Variants in AGMO observed in about 807,000 individuals in gnomAD.
The protein encoded by AGMO is alkylglycerol monooxygenase.
AGMO carries 75 observed loss-of-function variants against 60.2 expected under a neutral mutation model. The ratio of observed to expected loss-of-function variants is 1.25; its 90% CI spans 1.03 to 1.51. AGMO has a LOEUF of 1.51. Among genes scored for constraint, AGMO ranks in the 40% most tolerant of loss-of-function variants. The pLI is 0.00. For missense variants in AGMO, 763 were observed against 525.5 expected, an observed-to-expected ratio of 1.45 and a Z score of -4.42; for synonymous variants, 261 against 177.1, an observed-to-expected ratio of 1.47 and a Z score of -3.76.
chr7:15,525,254 G>A (rs1176841049), intron 3 of AGMO, among the ~76,000 whole-genome samples: 3 of 152,070 alleles, frequency 2.0e-5, no homozygotes, highest in Non-Finnish European at 4.4e-5. Context: ...GGTGAAACCC[G>A]ACTTTCAAAC....
chr7:15,530,816 T>G lies in AGMO; in HGVS notation c.409+13956A>C, dbSNP rs184911612. Among the ~76,000 whole-genome samples, 199 of 102,742 alleles carry G rather than the reference T, an allele frequency of 1.9e-3. 8 individuals carry two copies. The highest frequency in any genetic ancestry group is 6.2e-3 in the South Asian group (22 of 3,530). 67.4% of individuals were successfully genotyped at this position (102,742 alleles called of 152,430 possible). On this transcript the variant is annotated intron_variant, in intron 3 of 12. Transcript: ENST00000342526. Reference sequence around the variant, plus strand: ...TACATTTCTCTATATATTCTATATATACATTTCTATATATATTCTATATAT... The same window carrying G: ...TACATTTCTCTATATATTCTATATAGACATTTCTATATATATTCTATATAT...
At position 15,366,202 on chromosome 7, in the gene AGMO, G is replaced by A. The variant is rs1460755158; in HGVS notation, c.1095C>T (p.Leu365=). 5.6e-6 allele frequency: 9 copies of A among 1,607,156 alleles called. No homozygotes were observed. In the East Asian group the frequency reaches 1.6e-4, roughly 28 times the overall value. Residue 365 remains leucine, a synonymous_variant, in exon 11 of 13, where the codon CTC becomes CTT. Transcript: ENST00000342526. ...ADTAALSQVT[L]LLRVCFIILT... is the part of the protein sequence containing the mutation. ...GGATAATGAAGCAAACCCTCAGAAG[G>A]AGAGTAACTTGCGACAGTGCCTGTC...
In AGMO at chr7:15,302,511, C is replaced by G. The variant is rs1780474845; in HGVS notation, c.1263+63003G>C. ...TCTAGAACTTAATAAGAACAAACTT[C>G]AAAATATAATACAGAAATTAAAATG... On this transcript the variant is annotated intron_variant, in intron 12 of 12. Coordinates refer to ENST00000342526, the MANE Select transcript of AGMO (RefSeq NM_001004320.2). Among the ~76,000 whole-genome samples, 6 of 152,084 alleles carry G rather than the reference C, an allele frequency of 3.9e-5. No homozygotes were observed. The South Asian group carries it at 1.2e-3, about 32-fold the overall frequency.
At chr7:15,250,024 T>C (rs1391219579) in intron 12 of AGMO, among the ~76,000 whole-genome samples, 1 of 152,240 alleles carries the variant, frequency 6.6e-6, no homozygotes, top group Non-Finnish European at 1.5e-5. Context: ...AGTAGACAAG[T>C]GATTACATTC....
chr7:15,471,722 G>C (rs1435269330), intron 3 of AGMO, among the ~76,000 whole-genome samples: 2 of 151,848 alleles, frequency 1.3e-5, no homozygotes, highest in African/African-American at 4.8e-5. Flanking sequence ...CAGTACTAAT[G>C]ACAAGATGAC....
At chr7:15,548,444 G>A (rs911584361) in intron 2 of AGMO, among the ~76,000 whole-genome samples, 9 of 151,632 alleles carry the variant, frequency 5.9e-5, no homozygotes, top group Non-Finnish European at 1.0e-4. Context: ...TGTATAACTA[G>A]AATAACCAAT....
At chr7:15,401,554 A>G (rs1306376514) in intron 5 of AGMO, among the ~76,000 whole-genome samples, 1 of 152,138 alleles carries the variant, frequency 6.6e-6, no homozygotes. Context: ...GTCACATAAT[A>G]TTTCTATTAT....
intron 12 of AGMO, among the ~76,000 whole-genome samples, chr7:15,334,954 A>G (rs1781607758): frequency 6.6e-6 from 1 of 152,196 alleles, no homozygotes; most frequent in Non-Finnish European, 1.5e-5. Context: ...TAGTCAGAAA[A>G]GTCATGCACC....
At chr7:15,406,055 C>T (rs1466703873) in intron 5 of AGMO, among the ~76,000 whole-genome samples, 1 of 151,696 alleles carries the variant, frequency 6.6e-6, no homozygotes, top group Non-Finnish European at 1.5e-5. Flanking sequence ...AAATTTTAGA[C>T]AGTCCAGCTT....
intron 5 of AGMO, among the ~76,000 whole-genome samples, chr7:15,394,834 T>C (rs1422153385): frequency 6.6e-6 from 1 of 152,212 alleles, no homozygotes; most frequent in Non-Finnish European, 1.5e-5. Flanking sequence ...AGGCATGGTC[T>C]ACCATTACAT....
the AGMO span, among the ~76,000 whole-genome samples, chr7:15,151,151 C>A: frequency 2.6e-5 from 4 of 152,080 alleles, no homozygotes; most frequent in African/African-American, 9.6e-5. Flanking sequence ...TTGTTTTGTC[C>A]TGTTGGGACA....
At chr7:15,464,631 A>G (rs1782231393) in intron 3 of AGMO, among the ~76,000 whole-genome samples, 1 of 152,154 alleles carries the variant, frequency 6.6e-6, no homozygotes, top group Non-Finnish European at 1.5e-5. Context: ...TTTCAGTGAA[A>G]TGGGCCTAGA....
intron 4 of AGMO, among the ~76,000 whole-genome samples, chr7:15,425,839 C>T (rs1023240002): frequency 1.3e-5 from 2 of 152,034 alleles, no homozygotes; most frequent in African/African-American, 4.8e-5. Context: ...AAATTAATTT[C>T]AATACCAACG....
the AGMO span, among the ~76,000 whole-genome samples, chr7:15,193,010 A>G: frequency 6.6e-6 from 1 of 152,246 alleles, no homozygotes; most frequent in Admixed American, 6.5e-5. Flanking sequence ...TATCTTTAAT[A>G]GCATGCCAGT....
chr7:15,272,940 A>G (rs926029758), intron 12 of AGMO, among the ~76,000 whole-genome samples: 11 of 152,178 alleles, frequency 7.2e-5, no homozygotes, highest in Admixed American at 5.9e-4. Flanking sequence ...TCTTCTTTCG[A>G]GAAGTGTCTG....
rs1305320808 is a variant in AGMO, at chr7:15,526,876, T to G, written c.409+17896A>C. 2.0e-5 allele frequency among the ~76,000 whole-genome samples: 3 copies of G among 152,182 alleles called. No individual in the cohort carries two copies. In the East Asian group the frequency reaches 5.8e-4, roughly 29 times the overall value. The stretch of plus-strand genomic sequence containing the variant: ...TCACACAATATTTCAAACTTTTTCA[T>G]TATTATTGTATCTGTAATGGTGACC... On this transcript the variant is annotated intron_variant, in intron 3 of 12. Transcript: ENST00000342526.
intron 3 of AGMO, among the ~76,000 whole-genome samples, chr7:15,493,732 C>A (rs1459715127): frequency 6.6e-6 from 1 of 152,096 alleles, no homozygotes; most frequent in Non-Finnish European, 1.5e-5. Context: ...GCCCCTTTAC[C>A]CCTGAATCCT....
At position 15,232,916 on chromosome 7, in the gene AGMO, T is replaced by C. The variant is rs193213691; in HGVS notation, c.1264-31557A>G. On this transcript the variant is annotated intron_variant, in intron 12 of 12. Transcript: ENST00000342526. ...CAAGTAGGAGGAAAGGAATTTAGGG[T>C]AAAAGAGGGAGAAAAAGAATGAAGA... 1.5e-4 allele frequency among the ~76,000 whole-genome samples: 22 copies of C among 151,102 alleles called. No individual in the cohort carries two copies. In the East Asian group the frequency reaches 4.3e-3, roughly 30 times the overall value.
At chr7:15,268,966 G>T (rs1206751142) in intron 12 of AGMO, among the ~76,000 whole-genome samples, 2 of 151,972 alleles carry the variant, frequency 1.3e-5, no homozygotes, top group Admixed American at 6.6e-5. Flanking sequence ...CAAACAATGA[G>T]GCCAGTAGCA....
Sources: allele counts gnomAD v4.1 joint callset (sites outside exome capture counted in the v4.1 genomes callset), GRCh38; gene constraint gnomAD v4.1.1; transcripts MANE v1.5; gene names NCBI Gene and HGNC (gene_info 2026-07-23, HGNC 2026-07-21).